EEF1AKMT2: variants seen among roughly 807,000 people sequenced by gnomAD.
The protein encoded by EEF1AKMT2 is eukaryotic translation elongation factor 1 alpha lysine methyltransferase 2.
EEF1AKMT2 carries 32 observed loss-of-function variants against 35.8 expected under a neutral mutation model. That is an observed-to-expected ratio of 0.89 (90% confidence interval 0.67 to 1.20). The LOEUF (loss-of-function observed/expected upper bound fraction) is 1.20, where lower values mean the gene tolerates loss of function less well. Among genes scored for constraint, EEF1AKMT2 ranks in the 50% most tolerant of loss-of-function variants. The probability of loss-of-function intolerance (pLI) is 0.00; values close to 1 mark genes in which losing one functional copy is unlikely to be tolerated. For synonymous variants in EEF1AKMT2, 121 were observed against 133.7 expected, an observed-to-expected ratio of 0.91 and a Z score of 0.65; for missense variants, 330 against 347.5, an observed-to-expected ratio of 0.95 and a Z score of 0.40.
Position 124,774,692 on chromosome 10 carries a change from A to G in EEF1AKMT2, c.382T>C (p.Ser128Pro). 1 of 1,440,280 alleles carries G rather than the reference A, an allele frequency of 6.9e-7. No individual in the cohort carries two copies. Among genetic ancestry groups the G allele is most frequent in the Non-Finnish European group, 9.2e-7 (1 of 1,086,980 alleles). 89.2% of individuals were successfully genotyped at this position (1,440,280 alleles called of 1,614,324 possible). A position where few individuals can be genotyped will look rare whatever the true frequency, so the allele number is the denominator to read the frequency against. The change falls in exon 4 of 7, where the codon TCT (serine) becomes CCT (proline). Residue 128 changes from serine to proline, a missense_variant. By Grantham distance (74) the Ser-to-Pro change is moderately conservative (BLOSUM62 -1). Coordinates refer to ENST00000368836, the MANE Select transcript of EEF1AKMT2 (RefSeq NM_212554.4). ...SGSIIEKEGL[S>P]NIKLKVEDFL... ...ATAGTTACCTTTAACTTAATGTTAG[A>G]TAAACCTTCTTTTTCTATAATACTT...
At chr10:124,764,176 T>C (rs911239473) in intron 5 of EEF1AKMT2, among the ~76,000 whole-genome samples, 4 of 152,050 alleles carry the variant, frequency 2.6e-5, no homozygotes, top group Admixed American at 6.6e-5. Flanking sequence ...ACTATTCTCT[T>C]GAGGTAATTC....
chr10:124,760,973 G>A (rs886821769), intron 6 of EEF1AKMT2, among the ~76,000 whole-genome samples: 3 of 152,164 alleles, frequency 2.0e-5, no homozygotes, highest in Admixed American at 2.0e-4. Flanking sequence ...GAGTTCAAGC[G>A]ATTCTCACTT....
chr10:124,781,651 AG>A, intron 3 of EEF1AKMT2, among the ~76,000 whole-genome samples: 2 of 151,178 alleles, frequency 1.3e-5, no homozygotes, highest in Non-Finnish European at 2.9e-5. Context: ...TTAGGAATGA[AG>A]GTGAAATAAA....
At chr10:124,770,449 C>G (rs537915092) in intron 4 of EEF1AKMT2, among the ~76,000 whole-genome samples, 1 of 152,192 alleles carries the variant, frequency 6.6e-6, no homozygotes, top group Admixed American at 6.6e-5. Flanking sequence ...TAAAAAAACA[C>G]TAACAAGCCA....
At chr10:124,780,258 T>C (rs1950528958) in intron 3 of EEF1AKMT2, among the ~76,000 whole-genome samples, 1 of 152,222 alleles carries the variant, frequency 6.6e-6, no homozygotes, top group Non-Finnish European at 1.5e-5. Flanking sequence ...CCGTAGACTG[T>C]GGTTTGCTGA....
chr10:124,757,680 TAA>T (rs2134115582), downstream of EEF1AKMT2, among the ~76,000 whole-genome samples: 1 of 151,032 alleles, frequency 6.6e-6, no homozygotes, highest in Admixed American at 6.6e-5. Context: ...ATAAAAAGAC[TAA>T]AAGTCTTTTG....
Position 124,765,377 on chromosome 10 carries a change from C to T in EEF1AKMT2, c.616+15G>A. 5 of 1,601,460 alleles carry T rather than the reference C, an allele frequency of 3.1e-6. No individual in the cohort carries two copies. The highest frequency in any genetic ancestry group is 4.3e-6 in the Non-Finnish European group (5 of 1,168,844). On this transcript the variant is annotated intron_variant, in intron 5 of 6. Coordinates refer to ENST00000368836, the MANE Select transcript of EEF1AKMT2 (RefSeq NM_212554.4). ...CTGAGGTAAGCACACATTTAAACAC[C>T]ATATAGTCACTTACCTTCACTGAAT...
At chr10:124,791,106 T>C (rs776370597) in intron 1 of EEF1AKMT2, among the ~76,000 whole-genome samples, 1 of 152,012 alleles carries the variant, frequency 6.6e-6, no homozygotes, top group African/African-American at 2.4e-5. Flanking sequence ...CCTACAATGA[T>C]TCTCTAGAAT....
intron 1 of EEF1AKMT2, 121 bp from the exon 2 acceptor site, chr10:124,790,459 T>C (rs992416895): frequency 1.7e-5 from 12 of 706,218 alleles, no homozygotes; most frequent in Non-Finnish European, 2.5e-5. Context: ...ACTAGTGTTA[T>C]TAATAAATAC....
chr10:124,774,725 G>A lies in EEF1AKMT2; in HGVS notation c.349C>T (p.Leu117Phe), dbSNP rs1950473682. 6.7e-7 allele frequency: 1 copy of A among 1,485,324 alleles called. No individual in the cohort carries two copies. The highest frequency in any genetic ancestry group is 1.5e-5 in the African/African-American group (1 of 68,934). 92.0% of individuals were successfully genotyped at this position (1,485,324 alleles called of 1,614,324 possible). Residue 117 changes from leucine to phenylalanine, a missense_variant, in exon 4 of 7, where the codon CTT (leucine) becomes TTT (phenylalanine). Physicochemically the swap from Leu to Phe is conservative, Grantham distance 22 (BLOSUM62 0). Transcript: ENST00000368836. ...GIDYSPSAIQ[L>F]SGSIIEKEGL... ...TCTTTTTCTATAATACTTCCAGAAA[G>A]CTGAATTGCAGAAGGAGAGTAATCA...
Position 124,759,016 on chromosome 10 carries a change from A to C in EEF1AKMT2, c.*1487T>G, listed in dbSNP as rs2134116604. ...CTCACTCCTCTGGCTACCCCTCCCC[A>C]AAAAGAAAAGGGACGTAATGTTAGA... On this transcript the variant is annotated 3_prime_UTR_variant, in exon 7 of 7. Coordinates refer to ENST00000368836, the MANE Select transcript of EEF1AKMT2 (RefSeq NM_212554.4). 1 of 152,286 alleles carries C rather than the reference A, an allele frequency of 6.6e-6. No homozygotes were observed. The highest frequency in any genetic ancestry group is 1.9e-4 in the East Asian group (1 of 5,188). 9.4% of individuals were successfully genotyped at this position (152,286 alleles called of 1,614,324 possible).
chr10:124,765,148 T>C (rs890379685), intron 5 of EEF1AKMT2, among the ~76,000 whole-genome samples: 1 of 152,208 alleles, frequency 6.6e-6, no homozygotes, highest in African/African-American at 2.4e-5. Flanking sequence ...TCATAAATGT[T>C]AGTACTTAAC....
intron 3 of EEF1AKMT2, among the ~76,000 whole-genome samples, chr10:124,783,575 C>A (rs539448176): frequency 6.6e-6 from 1 of 152,252 alleles, no homozygotes; most frequent in South Asian, 2.1e-4. Context: ...GCGTATGACC[C>A]AGCAATTTCA....
At chr10:124,788,438 G>C (rs572993575) in intron 3 of EEF1AKMT2, among the ~76,000 whole-genome samples, 62 of 151,986 alleles carry the variant, frequency 4.1e-4, no homozygotes, top group Middle Eastern at 3.4e-3. Context: ...ATGAGGCTTG[G>C]CATGTGGTGG....
At chr10:124,767,755 A>G (rs1408969133) in intron 4 of EEF1AKMT2, among the ~76,000 whole-genome samples, 2 of 151,988 alleles carry the variant, frequency 1.3e-5, no homozygotes, top group East Asian at 3.9e-4. Context: ...GGAGGCCGAG[A>G]CGGGTAGATC....
Position 124,765,594 on chromosome 10 carries a change from CAA to C in EEF1AKMT2, c.412_413del (p.Leu138GlufsTer14), listed in dbSNP as rs1232680172. On this transcript the variant is annotated frameshift_variant, in exon 5 of 7. Transcript: ENST00000368836. LOFTEE classifies it high-confidence loss of function. ...ATCCAGACAGCTGTGTGGAGAGATT[CAA>C]AAAGTCTTCTACCTATATTAAAAGT... The part of the protein sequence containing the change: ...SNIKLKVEDF[L>X]NLSTQLSGFH... 1.2e-6 allele frequency: 2 copies of C among 1,612,450 alleles called. No homozygotes were observed. Among genetic ancestry groups the C allele is most frequent in the Middle Eastern group, 1.6e-4 (1 of 6,072 alleles).
At chr10:124,779,257 G>C (rs1041797205) in intron 3 of EEF1AKMT2, among the ~76,000 whole-genome samples, 1 of 151,994 alleles carries the variant, frequency 6.6e-6, no homozygotes, top group Non-Finnish European at 1.5e-5. Flanking sequence ...TCAGCCTCCT[G>C]AGTAACTGGA....
Position 124,791,749 on chromosome 10 carries a change from G to T in EEF1AKMT2, c.85C>A (p.Pro29Thr). ...TGCTCGCGGGTCCCCAGCGCCGACGGGACGAAACCGTCCTCCCCGGGACTG... is the reference window on the plus strand; with the variant it reads ...TGCTCGCGGGTCCCCAGCGCCGACGTGACGAAACCGTCCTCCCCGGGACTG... Reference protein sequence around the residue: ...KGSPGEDGFVPSALGTREHWD... With the variant: ...KGSPGEDGFVTSALGTREHWD... The change falls in exon 1 of 7, where the codon CCG (proline) becomes ACG (threonine). Residue 29 changes from proline (P) to threonine (T), a missense_variant. Coordinates refer to ENST00000368836, the MANE Select transcript of EEF1AKMT2 (RefSeq NM_212554.4). 6.3e-7 allele frequency: 1 copy of T among 1,593,246 alleles called. No individual in the cohort carries two copies.
At chr10:124,789,792 G>T (rs1950618496) in intron 2 of EEF1AKMT2, among the ~76,000 whole-genome samples, 1 of 149,054 alleles carries the variant, frequency 6.7e-6, no homozygotes, top group Admixed American at 6.7e-5. Context: ...AATTAAAAAA[G>T]AATAAAAGAA....
Sources: allele counts gnomAD v4.1 joint callset (sites outside exome capture counted in the v4.1 genomes callset), GRCh38; gene constraint gnomAD v4.1.1; transcripts MANE v1.5; gene names NCBI Gene and HGNC (gene_info 2026-07-23, HGNC 2026-07-21).